PARP6: variants seen among roughly 807,000 people sequenced by gnomAD.
PARP6 encodes protein mono-ADP-ribosyltransferase PARP6.
PARP6 carries 27 observed loss-of-function variants against 92.0 expected under a neutral mutation model. The ratio of observed to expected loss-of-function variants is 0.29; its 90% CI spans 0.22 to 0.40. The LOEUF (loss-of-function observed/expected upper bound fraction) is 0.40, where lower values mean the gene tolerates loss of function less well. Among genes scored for constraint, PARP6 ranks in the 10% least tolerant of loss-of-function variants. PARP6 has a pLI of 1.00. For missense variants in PARP6, 501 were observed against 784.5 expected (o/e 0.64, Z 4.32); for synonymous variants, 272 against 281.2 (o/e 0.97, Z 0.33).
chr15:72,254,334 TAA>T, intron 15 of PARP6, 119 bp downstream of exon 15: 3 of 594,044 alleles, frequency 5.1e-6, no homozygotes, highest in Non-Finnish European at 8.9e-6. Flanking sequence ...GAGGAAAGAC[TAA>T]AAAAAAAATA....
At chr15:72,253,337 G>C (rs369346599) in intron 16 of PARP6, 100 bp downstream of exon 16, 7 of 900,920 alleles carry the variant, frequency 7.8e-6, no homozygotes, top group African/African-American at 4.9e-5. Flanking sequence ...ATAACCTTGG[G>C]AAGGATGTTG....
intron 10 of PARP6, among the ~76,000 whole-genome samples, 177 bp downstream of exon 10, chr15:72,260,301 T>G (rs909158569): frequency 1.8e-4 from 27 of 152,072 alleles, no homozygotes; most frequent in Non-Finnish European, 2.6e-4. Flanking sequence ...GATGACAGAG[T>G]GAGACCCTGT....
At chr15:72,251,586 C>CA (rs970969034) in intron 16 of PARP6, among the ~76,000 whole-genome samples, 5 of 151,204 alleles carry the variant, frequency 3.3e-5, no homozygotes, top group African/African-American at 1.2e-4. Context: ...AGGTCACCTA[C>CA]AAAAAAAGAA....
intron 18 of PARP6, 165 bp from the exon 19 acceptor site, chr15:72,250,257 G>T: frequency 1.6e-6 from 1 of 611,838 alleles, no homozygotes; most frequent in Admixed American, 2.4e-5. Flanking sequence ...TGCAAGATGT[G>T]TGTGTGTGGT....
At chr15:72,249,727 T>G (rs1307364981) in intron 19 of PARP6, among the ~76,000 whole-genome samples, 1 of 152,178 alleles carries the variant, frequency 6.6e-6, no homozygotes, top group East Asian at 1.9e-4. Flanking sequence ...CCACATAAAT[T>G]GAAAAGCTCT....
intron 7 of PARP6, 57 bp downstream of exon 7, chr15:72,265,024 G>C (rs555609117): frequency 7.8e-6 from 9 of 1,149,182 alleles, no homozygotes; most frequent in Non-Finnish European, 1.2e-5. Flanking sequence ...AGTTAACTTA[G>C]GGCTTTGGAT....
rs757042596 is a variant in PARP6 at position 72,260,615 on chromosome 15, G to A, written c.619C>T (p.Arg207Cys). The change falls in exon 10 of 24, where the codon CGC becomes TGC. Residue 207 changes from arginine (R) to cysteine (C), a missense_variant. Transcript: ENST00000569795. ...CAGGAGATGGAACGGTTCATGAGGC[G>A]CCCAACCCGAAGCTCTGGTACACCT... is the stretch of plus-strand genomic sequence containing the variant. ...KLGVPELRVGRLMNRSISCTM... is the reference protein window; with the variant it reads ...KLGVPELRVGCLMNRSISCTM... 9 of 1,614,142 alleles carry A rather than the reference G, an allele frequency of 5.6e-6. No individual in the cohort carries two copies. Among genetic ancestry groups the A allele is most frequent in the Admixed American group, 3.3e-5 (2 of 60,022 alleles).
chr15:72,254,530 A>G lies in PARP6; in HGVS notation c.1126-10T>C, dbSNP rs779958284. On this transcript the variant is annotated splice_polypyrimidine_tract_variant and intron_variant, in intron 14 of 23. Coordinates refer to ENST00000569795, the MANE Select transcript of PARP6 (RefSeq NM_001323532.2). ...GCTCATAATTCTTCTTCTGTGGAGA[A>G]TCAATGGGAAGAGAAGAACCAAATA... 6.2e-7 allele frequency: 1 copy of G among 1,605,522 alleles called. No homozygotes were observed. The highest frequency in any genetic ancestry group is 1.7e-5 in the Admixed American group (1 of 60,020).
chr15:72,242,077 T>C lies in PARP6; in HGVS notation c.1705+80A>G, dbSNP rs2083116532. On this transcript the variant is annotated intron_variant, in intron 22 of 23. Transcript: ENST00000569795. This position sits in a 1 kb window ranked among gnomAD's most constrained non-coding sequence, Gnocchi z 4.3. Reference sequence around the variant, plus strand: ...AAGCCATGCCACTTCAACATCACTCTTGGCCAGATCATGTGCCAAAATTAC... The same window carrying C: ...AAGCCATGCCACTTCAACATCACTCCTGGCCAGATCATGTGCCAAAATTAC... The C allele has an allele frequency of 8.1e-6, 12 of 1,487,888 alleles. No individual in the cohort carries two copies. In the East Asian group the frequency reaches 2.0e-4, roughly 25 times the overall value. The allele number at this position is 1,487,888 out of a possible 1,614,324, so 92.2% of individuals were successfully genotyped here. A position where few individuals can be genotyped will look rare whatever the true frequency, so the allele number is the denominator to read the frequency against.
At chr15:72,253,296 A>G in intron 16 of PARP6, 141 bp downstream of exon 16, 1 of 486,854 alleles carries the variant, frequency 2.1e-6, no homozygotes, top group Non-Finnish European at 3.7e-6. Context: ...GTATGCCAAC[A>G]AACTCCAAGA....
At position 72,260,682 on chromosome 15, in the gene PARP6, G is replaced by A. The variant is rs372096499; in HGVS notation, c.552C>T (p.Pro184=). 1.7e-4 allele frequency: 272 copies of A among 1,610,950 alleles called. No homozygotes were observed. The highest frequency in any genetic ancestry group is 2.2e-4 in the Non-Finnish European group (254 of 1,177,196). ...TGGAGTCCTGTATGATAGGGAAACT[G>A]GGAGACCTGCAGAGAGAGAGCAAAG... is the stretch of plus-strand genomic sequence containing the variant. ...LSIFSPIPKS[P]SFPIIQDSML... Residue 184 remains proline, a synonymous_variant, in exon 10 of 24, where the codon CCC becomes CCT. Transcript: ENST00000569795.
chr15:72,259,935 C>T (rs1223097384), intron 10 of PARP6, among the ~76,000 whole-genome samples: 1 of 152,218 alleles, frequency 6.6e-6, no homozygotes, highest in Non-Finnish European at 1.5e-5. Flanking sequence ...TCATACATGA[C>T]TTCTCCTTGA....
At position 72,265,935 on chromosome 15, in the gene PARP6, G is replaced by A. The variant is rs373454949; in HGVS notation, c.138C>T (p.Ala46=). The change falls in exon 5 of 24, where the codon GCC becomes GCT. Residue 46 remains alanine, a synonymous_variant. Coordinates refer to ENST00000569795, the MANE Select transcript of PARP6 (RefSeq NM_001323532.2). ...AGTTCTCACTGTAGATCTCCTTCACGGCTTCAATGTCTGCATCAAGCTGTG... is the reference window on the plus strand; with the variant it reads ...AGTTCTCACTGTAGATCTCCTTCACAGCTTCAATGTCTGCATCAAGCTGTG... ...RHPQLDADIE[A]VKEIYSENSV... is the part of the protein sequence containing the mutation. 3.3e-5 allele frequency: 53 copies of A among 1,613,764 alleles called. No homozygotes were observed. The highest frequency in any genetic ancestry group is 4.2e-5 in the Non-Finnish European group (49 of 1,179,912).
intron 20 of PARP6, chr15:72,243,583 G>A (rs79346929): frequency 7.9e-5 from 12 of 152,240 alleles, no homozygotes; most frequent in Admixed American, 3.3e-4. Flanking sequence ...TTCCTTACCC[G>A]TTTATAACAT....
chr15:72,267,354 C>A (rs1369813607), intron 3 of PARP6, 121 bp downstream of exon 3: 4 of 1,102,488 alleles, frequency 3.6e-6, no homozygotes, highest in Non-Finnish European at 5.5e-6. Context: ...CCTTTAACTT[C>A]AAATAGCCAC....
chr15:72,242,586 GA>G lies in PARP6; in HGVS notation c.1641+33del. The G allele has an allele frequency of 1.4e-6, 2 of 1,420,122 alleles. No individual in the cohort carries two copies. Among genetic ancestry groups the G allele is most frequent in the Non-Finnish European group, 1.0e-6 (1 of 1,003,136 alleles). The allele number at this position is 1,420,122 out of a possible 1,614,324, so 88.0% of individuals were successfully genotyped here. On this transcript the variant is annotated intron_variant, in intron 21 of 23. Transcript: ENST00000569795. The surrounding 1 kb of genome is among the most constrained non-coding windows in gnomAD (Gnocchi z 4.3). ...CTCTGGAGCCTAAATTAGCCCCAGG[GA>G]AAGGTCCTGCCTCATTAGAATAGTT...
At chr15:72,261,845 C>T (rs2141049416) in intron 8 of PARP6, 138 bp from the exon 9 acceptor site, 3 of 782,244 alleles carry the variant, frequency 3.8e-6, no homozygotes, top group Non-Finnish European at 6.3e-6. Flanking sequence ...ATCTGAAGAC[C>T]CCTTTAAATG....
In PARP6 at chr15:72,242,042, CA is replaced by C; in HGVS notation, c.1706-58del. On this transcript the variant is annotated intron_variant, in intron 22 of 23. Transcript: ENST00000569795. This position sits in a 1 kb window ranked among gnomAD's most constrained non-coding sequence, Gnocchi z 4.3. The stretch of plus-strand genomic sequence containing the variant: ...CAATGCTTAAGGCACAGAGTCCAGG[CA>C]GGAGAAGGAAGCCATGCCACTTCAA... 1 of 1,484,766 alleles carries C rather than the reference CA, an allele frequency of 6.7e-7. No individual in the cohort carries two copies. The highest frequency in any genetic ancestry group is 1.1e-5 in the South Asian group (1 of 88,482). 92.0% of individuals were successfully genotyped at this position (1,484,766 alleles called of 1,614,324 possible).
At chr15:72,251,280 A>G (rs1446020940) in intron 16 of PARP6, 25 bp from the exon 17 acceptor site, 1 of 1,474,948 alleles carries the variant, frequency 6.8e-7, no homozygotes, top group Admixed American at 1.7e-5. Flanking sequence ...AAAAAAATAA[A>G]AAGGATAGAA....
Sources: gnomAD v4.1 joint callset for allele counts (sites outside exome capture counted in the v4.1 genomes callset) on GRCh38, gnomAD v4.1.1 for gene constraint, Gnocchi (gnomAD v3.1) non-coding constraint, MANE v1.5 for transcripts, NCBI Gene and HGNC (gene_info 2026-07-23, HGNC 2026-07-21) for gene names.